The following STK32A variants were observed in gnomAD, a reference collection of about 807,000 sequenced individuals.
STK32A encodes serine/threonine-protein kinase 32A.
Under a neutral mutation model 53.2 loss-of-function variants are expected in STK32A, and 41 were observed. That is an observed-to-expected ratio of 0.77 (90% confidence interval 0.60 to 1.00). The LOEUF is 1.00. STK32A is among the 50% of genes least tolerant of loss of function. The pLI, the probability that STK32A is intolerant of heterozygous loss-of-function variation, is 0.00. For missense variants in STK32A, 458 were observed against 485.8 expected, an observed-to-expected ratio of 0.94 and a Z score of 0.54; for synonymous variants, 166 against 162.8, an observed-to-expected ratio of 1.02 and a Z score of -0.15.
chr5:147,398,937 G>C, the STK32A span: 2 of 1,137,984 alleles, frequency 1.8e-6, no homozygotes, highest in Non-Finnish European at 2.5e-6. Context: ...TTGAGGTTTT[G>C]AGCCACTGAG....
chr5:147,359,258 T>A (rs1756390961), intron 7 of STK32A, among the ~76,000 whole-genome samples: 1 of 152,270 alleles, frequency 6.6e-6, no homozygotes, highest in East Asian at 1.9e-4. Flanking sequence ...TAATTACTCG[T>A]CTGTTATGTT....
chr5:147,375,424 T>A (rs1757197358), intron 11 of STK32A: 2 of 475,326 alleles, frequency 4.2e-6, no homozygotes, highest in African/African-American at 2.0e-5. Flanking sequence ...AGGCTTTCCG[T>A]CTAGAGTTCT....
intron 4 of STK32A, among the ~76,000 whole-genome samples, chr5:147,313,778 T>C (rs1753820289): frequency 6.6e-6 from 1 of 152,224 alleles, no homozygotes; most frequent in South Asian, 2.1e-4. Flanking sequence ...ATATTTCCAG[T>C]CAATTGACTT....
intron 5 of STK32A, among the ~76,000 whole-genome samples, chr5:147,331,630 A>C (rs1754877023): frequency 6.6e-6 from 1 of 152,244 alleles, no homozygotes. Context: ...TCAGACTGTC[A>C]TCTTTTTTGG....
intron 1 of STK32A, among the ~76,000 whole-genome samples, chr5:147,238,049 G>A (rs1753401458): frequency 6.6e-6 from 1 of 152,232 alleles, no homozygotes; most frequent in South Asian, 2.1e-4. Flanking sequence ...GCTAGGCATT[G>A]TGCCAATTAC....
chr5:147,377,085 G>T (rs549935486), intron 11 of STK32A, among the ~76,000 whole-genome samples: 1 of 152,254 alleles, frequency 6.6e-6, no homozygotes, highest in East Asian at 1.9e-4. Flanking sequence ...TAGCTATAAA[G>T]TTCCTTCTGA....
At chr5:147,244,390 A>G (rs1351310540) in intron 2 of STK32A, among the ~76,000 whole-genome samples, 1 of 152,220 alleles carries the variant, frequency 6.6e-6, no homozygotes, top group South Asian at 2.1e-4. Context: ...TTTTGGGTAT[A>G]TACCTAGTAG....
At chr5:147,344,512 C>A (rs1755590325) in intron 6 of STK32A, among the ~76,000 whole-genome samples, 1 of 152,198 alleles carries the variant, frequency 6.6e-6, no homozygotes, top group South Asian at 2.1e-4. Context: ...GTGGCAGGCA[C>A]CTGTAGTATC....
In STK32A at chr5:147,245,083, C is replaced by T. The variant is rs180700889; in HGVS notation, c.52+5397C>T. On this transcript the variant is annotated intron_variant, in intron 2 of 12. Transcript: ENST00000397936. ...TTCTGTTAAAACCTATATAAAAACA[C>T]TTTAAAAGAAGCCAAGTTATTGACT... Among the ~76,000 whole-genome samples, 662 of 152,314 alleles carry T rather than the reference C, an allele frequency of 4.3e-3. 9 individuals are homozygous for T. Among genetic ancestry groups the T allele is most frequent in the African/African-American group, 0.015 (634 of 41,586 alleles).
chr5:147,273,518 C>A (rs913356258), intron 2 of STK32A, among the ~76,000 whole-genome samples: 1 of 152,230 alleles, frequency 6.6e-6, no homozygotes, highest in Non-Finnish European at 1.5e-5. Flanking sequence ...CTGGGTATGG[C>A]TTTGCAAAAA....
At chr5:147,313,436 G>A (rs1691601628) in intron 4 of STK32A, among the ~76,000 whole-genome samples, 2 of 152,188 alleles carry the variant, frequency 1.3e-5, no homozygotes, top group Non-Finnish European at 2.9e-5. Flanking sequence ...CTATTTCCTA[G>A]TGTGGTTTGC....
chr5:147,399,466 T>C, the STK32A span, among the ~76,000 whole-genome samples: 9 of 145,926 alleles, frequency 6.2e-5, no homozygotes, highest in Non-Finnish European at 1.1e-4. Flanking sequence ...TGGTTTAAGA[T>C]AGAAGTTACT....
chr5:147,364,287 T>C (rs182391304), intron 8 of STK32A, among the ~76,000 whole-genome samples: 1 of 151,874 alleles, frequency 6.6e-6, no homozygotes, highest in East Asian at 1.9e-4. Flanking sequence ...TTCTACCTTC[T>C]GCAAAATAGT....
chr5:147,361,409 G>C lies in STK32A; in HGVS notation c.563-108G>C, dbSNP rs551686274. The stretch of plus-strand genomic sequence containing the variant: ...CAACGGATGATAAACATCCATAAAA[G>C]TGTTTATATTTTTGATCCTGGTAAT... On this transcript the variant is annotated intron_variant, in intron 7 of 12. Transcript: ENST00000397936. 7.6e-5 allele frequency: 58 copies of C among 763,120 alleles called. No homozygotes were observed. The African/African-American group carries it at 8.9e-4, about 12-fold the overall frequency. 47.3% of individuals were successfully genotyped at this position (763,120 alleles called of 1,614,324 possible). A position where few individuals can be genotyped will look rare whatever the true frequency, so the allele number is the denominator to read the frequency against.
chr5:147,401,136 T>A, the STK32A span, among the ~76,000 whole-genome samples: 2 of 152,230 alleles, frequency 1.3e-5, no homozygotes, highest in Non-Finnish European at 2.9e-5. Context: ...GGAGTCTCCC[T>A]ATAATTTTGA....
chr5:147,251,428 T>G (rs1753992420), intron 2 of STK32A, among the ~76,000 whole-genome samples: 1 of 152,186 alleles, frequency 6.6e-6, no homozygotes, highest in Admixed American at 6.5e-5. Flanking sequence ...CAGTCTACAA[T>G]TTAAACATAG....
chr5:147,400,983 A>G, the STK32A span: 27 of 1,090,414 alleles, frequency 2.5e-5, no homozygotes, highest in Non-Finnish European at 3.4e-5. Context: ...ATGAGCTTGG[A>G]TGAGTTTCTT....
chr5:147,370,392 G>A (rs909002137), intron 8 of STK32A, among the ~76,000 whole-genome samples: 1 of 152,184 alleles, frequency 6.6e-6, no homozygotes, highest in Non-Finnish European at 1.5e-5. Flanking sequence ...TGAATGTTTT[G>A]TTTGGCTCAG....
chr5:147,380,307 C>T (rs1265602680), intron 11 of STK32A, among the ~76,000 whole-genome samples: 3 of 152,086 alleles, frequency 2.0e-5, no homozygotes, highest in African/African-American at 4.8e-5. Flanking sequence ...CAAATGCTTC[C>T]GTTTGCAAGT....
Sources: gnomAD v4.1 joint callset for allele counts (sites outside exome capture counted in the v4.1 genomes callset) on GRCh38, gnomAD v4.1.1 for gene constraint, MANE v1.5 for transcripts, NCBI Gene and HGNC (gene_info 2026-07-23, HGNC 2026-07-21) for gene names.